The following WLS variants were observed in gnomAD, a reference collection of about 807,000 sequenced individuals.
WLS encodes the protein protein wntless homolog.
A neutral mutation model predicts 62.8 loss-of-function variants in WLS; 23 were observed. The ratio of observed to expected loss-of-function variants is 0.37; its 90% confidence interval spans 0.26 to 0.52. The LOEUF (loss-of-function observed/expected upper bound fraction) is 0.52, where lower values mean the gene tolerates loss of function less well. Ranked by LOEUF, WLS falls within the 20% of genes least tolerant of loss-of-function variation. WLS has a pLI of 0.92. For missense variants in WLS, 615 were observed against 697.3 expected (o/e 0.88, Z 1.33); for synonymous variants, 246 against 244.1 (o/e 1.01, Z -0.07).
chr1:68,132,471 G>A (rs1014572463), intron 11 of WLS, among the ~76,000 whole-genome samples: 11 of 152,130 alleles, frequency 7.2e-5, no homozygotes, highest in African/African-American at 2.7e-4. Context: ...TTAATCCAAC[G>A]CTTTACCGAG....
chr1:68,225,247 CATT>C (rs1440727879), intron 1 of WLS, among the ~76,000 whole-genome samples: 2 of 151,948 alleles, frequency 1.3e-5, no homozygotes, highest in Admixed American at 6.6e-5. Flanking sequence ...AATTATACAT[CATT>C]ATTTTCTTTA....
chr1:68,105,072 A>G (rs1403494153), intron 11 of WLS, among the ~76,000 whole-genome samples: 1 of 152,150 alleles, frequency 6.6e-6, no homozygotes, highest in African/African-American at 2.4e-5. Context: ...ATTTATCCAG[A>G]CCAGCATGTT....
chr1:68,180,457 CATA>C (rs531834469), intron 2 of WLS, among the ~76,000 whole-genome samples: 115 of 152,160 alleles, frequency 7.6e-4, no homozygotes, highest in African/African-American at 2.6e-3. Context: ...GCAGGGCTTG[CATA>C]ATGTCTTTGG....
At chr1:68,105,945 G>GAGAAA (rs1480903420) in intron 11 of WLS, among the ~76,000 whole-genome samples, 1 of 152,182 alleles carries the variant, frequency 6.6e-6, no homozygotes, top group African/African-American at 2.4e-5. Flanking sequence ...TGAGGGATGA[G>GAGAAA]AGAAAAGAAA....
intron 1 of WLS, chr1:68,203,053 T>C (rs571330484): frequency 6.6e-6 from 1 of 152,362 alleles, no homozygotes; most frequent in East Asian, 1.9e-4. Context: ...CATTTGTTAT[T>C]TAAAATAATC....
At position 68,213,804 on chromosome 1, in the gene WLS, C is replaced by T. The variant is rs573180210; in HGVS notation, c.106+18390G>A. Among the ~76,000 whole-genome samples the T allele has an allele frequency of 5.9e-5, 9 of 152,236 alleles. No homozygotes were observed. In the South Asian group the frequency reaches 1.9e-3, roughly 32 times the overall value. ...ATTTAAGTTGCTGGAGGGCAAAATC[C>T]ATGTGTTTACTCCTTCTGTAGCCCA... On this transcript the variant is annotated intron_variant, in intron 1 of 11. Transcript: ENST00000262348.
chr1:68,163,203 T>C, intron 2 of WLS: 1 of 676,722 alleles, frequency 1.5e-6, no homozygotes, highest in South Asian at 1.8e-5. Context: ...ACTATAAATC[T>C]GTACACACTA....
chr1:68,153,600 G>A lies in WLS; in HGVS notation c.720C>T (p.Phe240=). Residue 240 remains phenylalanine, a synonymous_variant, in exon 5 of 12, where the codon TTC becomes TTT. Transcript: ENST00000262348. The part of the protein sequence containing the change: ...FTKVWFAMKT[F]LTPSIFIIMV... ...TAATGATGAAGATGCTGGGCGTAAGGAAGGTCTTCATGGCAAACCACACCT... is the reference window on the plus strand; with the variant it reads ...TAATGATGAAGATGCTGGGCGTAAGAAAGGTCTTCATGGCAAACCACACCT... The A allele has an allele frequency of 6.2e-7, 1 of 1,614,192 alleles. No individual in the cohort carries two copies. Among genetic ancestry groups the A allele is most frequent in the Non-Finnish European group, 8.5e-7 (1 of 1,180,038 alleles).
chr1:68,150,077 G>C, intron 6 of WLS, 111 bp downstream of exon 6: 1 of 1,169,162 alleles, frequency 8.6e-7, no homozygotes, highest in Non-Finnish European at 1.2e-6. Context: ...GTAACTACTA[G>C]TTTATTCTGT....
intron 11 of WLS, chr1:68,117,690 C>T (rs946535759): frequency 2.0e-5 from 3 of 152,296 alleles, no homozygotes; most frequent in African/African-American, 7.2e-5. Flanking sequence ...CCCCCGATGG[C>T]ACATTTCTTT....
At chr1:68,179,516 T>G (rs1001961069) in intron 2 of WLS, among the ~76,000 whole-genome samples, 7 of 152,136 alleles carry the variant, frequency 4.6e-5, no homozygotes, top group African/African-American at 1.7e-4. Flanking sequence ...GTTCCGATGA[T>G]CAGATGAAAT....
Position 68,155,209 on chromosome 1 carries a change from C to G in WLS, c.556G>C (p.Glu186Gln). ...YYECDVLPFM[E>Q]IGSVAHKFYL... ...AACTTATGGGCCACAGACCCAATTTCCATGAAAGGAAGGACATCACATTCA... is the reference window on the plus strand; with the variant it reads ...AACTTATGGGCCACAGACCCAATTTGCATGAAAGGAAGGACATCACATTCA... The change falls in exon 4 of 12, where the codon GAA becomes CAA. Residue 186 changes from glutamate to glutamine, a missense_variant. Glu to Gln is a conservative substitution (Grantham distance 29). Coordinates refer to ENST00000262348, the MANE Select transcript of WLS (RefSeq NM_024911.7). 1.9e-6 allele frequency: 3 copies of G among 1,613,934 alleles called. No individual in the cohort carries two copies. Among genetic ancestry groups the G allele is most frequent in the Non-Finnish European group, 2.5e-6 (3 of 1,179,918 alleles).
chr1:68,184,347 G>A (rs192658129), intron 2 of WLS, among the ~76,000 whole-genome samples: 32 of 152,292 alleles, frequency 2.1e-4, no homozygotes, highest in Admixed American at 1.8e-3. Flanking sequence ...AGTGGGTACC[G>A]TTTTAGCCAA....
At chr1:68,166,493 T>A (rs1268454846) in intron 2 of WLS, among the ~76,000 whole-genome samples, 1 of 152,180 alleles carries the variant, frequency 6.6e-6, no homozygotes, top group Admixed American at 6.5e-5. Flanking sequence ...AGAGCTCAAG[T>A]CTGGATCACG....
chr1:68,134,079 G>A (rs955677633), intron 11 of WLS, among the ~76,000 whole-genome samples: 1 of 152,208 alleles, frequency 6.6e-6, no homozygotes, highest in Non-Finnish European at 1.5e-5. Flanking sequence ...TGGGAATGCT[G>A]GAGGTGGAGA....
At chr1:68,111,459 G>T (rs1646227901) in intron 11 of WLS, among the ~76,000 whole-genome samples, 1 of 152,174 alleles carries the variant, frequency 6.6e-6, no homozygotes, top group Admixed American at 6.5e-5. Flanking sequence ...GAGAAGGGCT[G>T]CTCGGTTCTC....
intron 10 of WLS, among the ~76,000 whole-genome samples, chr1:68,142,050 T>G (rs1039619085): frequency 3.3e-5 from 5 of 152,186 alleles, no homozygotes; most frequent in African/African-American, 1.2e-4. Context: ...ATATTAATCT[T>G]TTTCTCCAAA....
At chr1:68,185,997 C>A (rs59350269) in intron 2 of WLS, among the ~76,000 whole-genome samples, 1,548 of 152,284 alleles carry the variant, frequency 0.01, 24 homozygotes, top group African/African-American at 0.036. Context: ...GGTGACCATT[C>A]TGAAGCTATC....
At chr1:68,150,950 A>G (rs1198727876) in intron 5 of WLS, among the ~76,000 whole-genome samples, 2 of 152,212 alleles carry the variant, frequency 1.3e-5, no homozygotes, top group South Asian at 2.1e-4. Context: ...CTTGAAACAC[A>G]TATGTTAATT....
Sources: allele counts gnomAD v4.1 joint callset (sites outside exome capture counted in the v4.1 genomes callset), GRCh38; gene constraint gnomAD v4.1.1; transcripts MANE v1.5; gene names NCBI Gene and HGNC (gene_info 2026-07-23, HGNC 2026-07-21).